The following ZNF408 variants were observed in gnomAD, a reference collection of about 807,000 sequenced individuals.
ZNF408 encodes zinc finger protein 408.
A neutral mutation model predicts 27.6 loss-of-function variants in ZNF408; 24 were observed. That is an observed-to-expected ratio of 0.87 (90% CI 0.63 to 1.22). The LOEUF (loss-of-function observed/expected upper bound fraction) is 1.22. ZNF408 is among the 50% of genes most tolerant of loss of function. The probability of loss-of-function intolerance (pLI) is 0.00; values close to 1 mark genes in which losing one functional copy is unlikely to be tolerated. For synonymous variants in ZNF408, 410 were observed against 396.1 expected (o/e 1.04, Z -0.42); for missense variants, 897 against 949.0 (o/e 0.95, Z 0.72).
At chr11:46,703,767 G>GTTTT (rs1478673835) in intron 4 of ZNF408, among the ~76,000 whole-genome samples, 3 of 87,080 alleles carry the variant, frequency 3.4e-5, no homozygotes, top group African/African-American at 9.2e-5. Flanking sequence ...TGTTGTTGTT[G>GTTTT]TTGTTTTTTT....
In ZNF408 at chr11:46,703,024, G is replaced by A. The variant is rs759489648; in HGVS notation, c.433G>A (p.Ala145Thr). 15 of 1,614,038 alleles carry A rather than the reference G, an allele frequency of 9.3e-6. No homozygotes were observed. Among genetic ancestry groups the A allele is most frequent in the Non-Finnish European group, 1.3e-5 (15 of 1,179,896 alleles). Residue 145 changes from alanine (A) to threonine (T), a missense_variant, in exon 4 of 5, where the codon GCC becomes ACC. Transcript: ENST00000311764. ...RGRLESEGNVAPVRISERLHL... is the reference protein window; with the variant it reads ...RGRLESEGNVTPVRISERLHL... ...CAGGCTGGAGAGTGAGGGAAATGTGGCCCCAGTGCGGATCAGCGAGAGGCT... is the reference window on the plus strand; with the variant it reads ...CAGGCTGGAGAGTGAGGGAAATGTGACCCCAGTGCGGATCAGCGAGAGGCT...
At chr11:46,701,136 G>A (rs377078069) in intron 1 of ZNF408, 37 bp downstream of exon 1, 15 of 1,613,778 alleles carry the variant, frequency 9.3e-6, no homozygotes, top group Non-Finnish European at 1.2e-5. Context: ...CTCAACCTTG[G>A]CCCAGGTGGA....
In ZNF408 at chr11:46,701,504, C is replaced by CTT. The variant is rs1565693426; in HGVS notation, c.160_161dup (p.Leu54PhefsTer2). ...CCCGAGCCGACCCGAGACATCCTCG[C>CTT]TTTAAAGAGCCTTCCCCGGGGCTTG... is the stretch of plus-strand genomic sequence containing the variant. On this transcript the variant is annotated frameshift_variant, in exon 2 of 5. Coordinates refer to ENST00000311764, the MANE Select transcript of ZNF408 (RefSeq NM_024741.3). LOFTEE classifies it high-confidence loss of function. The CTT allele has an allele frequency of 6.2e-7, 1 of 1,614,054 alleles. No homozygotes were observed. The highest frequency in any genetic ancestry group is 1.7e-5 in the Admixed American group (1 of 60,022).
At chr11:46,701,764 G>T (rs2064709904) in intron 2 of ZNF408, 88 bp downstream of exon 2, 1 of 1,411,406 alleles carries the variant, frequency 7.1e-7, no homozygotes, top group South Asian at 1.5e-5. Context: ...TTTGAAGAAA[G>T]AGAGTATTTC....
intron 4 of ZNF408, 78 bp downstream of exon 4, chr11:46,703,321 TG>T: frequency 6.7e-7 from 1 of 1,502,076 alleles, no homozygotes; most frequent in Non-Finnish European, 8.9e-7. Flanking sequence ...GCAGAGTTTA[TG>T]GCTCATTGCG....
At chr11:46,702,938 C>G in intron 3 of ZNF408, 46 bp from the exon 4 acceptor site, 2 of 1,609,128 alleles carry the variant, frequency 1.2e-6, no homozygotes, top group Non-Finnish European at 1.7e-6. Context: ...GGGAAGACCA[C>G]TTGAATAGTG....
At position 46,705,428 on chromosome 11, in the gene ZNF408, G is replaced by GAGGCCC; in HGVS notation, c.1729_1734dup (p.Arg577_Pro578dup). 6.2e-7 allele frequency: 1 copy of GAGGCCC among 1,608,164 alleles called. No individual in the cohort carries two copies. Among genetic ancestry groups the GAGGCCC allele is most frequent in the South Asian group, 1.1e-5 (1 of 91,044 alleles). On this transcript the variant is annotated inframe_insertion, in exon 5 of 5. Transcript: ENST00000311764. The surrounding 1 kb of genome is among the most constrained non-coding windows in gnomAD (Gnocchi z 6.5). The stretch of plus-strand genomic sequence containing the variant: ...CTCACGAGCGCCTGCACTCCGGAGA[G>GAGGCCC]AGGCCCTTTCCCTGTCCCCAGTGTG...
chr11:46,701,882 T>C (rs946442919), intron 2 of ZNF408: 21 of 559,616 alleles, frequency 3.8e-5, no homozygotes, highest in Admixed American at 7.4e-5. Context: ...AATCATACAG[T>C]GTCAGCAGTG....
rs1023098875 is a variant in ZNF408 at position 46,704,403 on chromosome 11, C to T, written c.703C>T (p.Pro235Ser). ...CATCCAGGCAGAGAATATGGTGAGC[C>T]CTGGACTTAAGTTCCCAACCCAGGA... Reference protein sequence around the residue: ...SGIQAENMVSPGLKFPTQDRI... With the variant: ...SGIQAENMVSSGLKFPTQDRI... The change falls in exon 5 of 5, where the codon CCT (proline) becomes TCT (serine). Residue 235 changes from proline to serine, a missense_variant. Transcript: ENST00000311764. 5.6e-6 allele frequency: 9 copies of T among 1,612,926 alleles called. No individual in the cohort carries two copies. Among genetic ancestry groups the T allele is most frequent in the Middle Eastern group, 3.3e-4 (2 of 6,046 alleles).
rs1295641179 is a variant in ZNF408 at position 46,705,819 on chromosome 11, C to T, written c.2119C>T (p.Leu707Phe). The change falls in exon 5 of 5, where the codon CTC becomes TTC. Residue 707 changes from leucine (L) to phenylalanine (F), a missense_variant. Coordinates refer to ENST00000311764, the MANE Select transcript of ZNF408 (RefSeq NM_024741.3). This position sits in a 1 kb window ranked among gnomAD's most constrained non-coding sequence, Gnocchi z 6.5. ...GGTGCTAATCCATAAGGACATGGGC[C>T]TCGGCGCCTGGGCAGAGGTGGTGGA... ...SLVLIHKDMGLGAWAEVVEVE... is the reference protein window; with the variant it reads ...SLVLIHKDMGFGAWAEVVEVE... The T allele has an allele frequency of 6.2e-7, 1 of 1,612,574 alleles. No individual in the cohort carries two copies. The highest frequency in any genetic ancestry group is 1.3e-5 in the African/African-American group (1 of 74,926).
Position 46,701,544 on chromosome 11 carries a change from A to G in ZNF408, c.198A>G (p.Ser66=), listed in dbSNP as rs375368546. 5 of 1,612,886 alleles carry G rather than the reference A, an allele frequency of 3.1e-6. No homozygotes were observed. In the African/African-American group the frequency reaches 6.7e-5, roughly 22 times the overall value. The change falls in exon 2 of 5, where the codon TCA becomes TCG. Residue 66 remains serine, a synonymous_variant. Transcript: ENST00000311764. ...SLPRGLALGP[S]LAKEQRLGVW... is the part of the protein sequence containing the mutation. ...CCCGGGGCTTGGCCCTTGGCCCCTC[A>G]CTCGCCAAGGAACAGCGCTTGGGGG...
intron 2 of ZNF408, 124 bp from the exon 3 acceptor site, chr11:46,702,580 G>A (rs2064717612): frequency 3.2e-6 from 3 of 945,234 alleles, no homozygotes; most frequent in Non-Finnish European, 4.9e-6. Context: ...GAGAACCAGA[G>A]GCTTCTAACC....
chr11:46,701,920 T>G (rs1055443093), intron 2 of ZNF408: 1 of 395,160 alleles, frequency 2.5e-6, no homozygotes, highest in African/African-American at 2.1e-5. Flanking sequence ...GCTAAGGTTT[T>G]TGGAATTAAG....
intron 2 of ZNF408, among the ~76,000 whole-genome samples, chr11:46,702,211 C>T (rs1451379340): frequency 6.6e-6 from 1 of 152,220 alleles, no homozygotes; most frequent in African/African-American, 2.4e-5. Context: ...TCTCATGCCT[C>T]AGCCTCCCGA....
chr11:46,702,785 G>T lies in ZNF408; in HGVS notation c.392+20G>T, dbSNP rs2134507260. 6.2e-7 allele frequency: 1 copy of T among 1,613,778 alleles called. No homozygotes were observed. Among genetic ancestry groups the T allele is most frequent in the Non-Finnish European group, 8.5e-7 (1 of 1,179,694 alleles). On this transcript the variant is annotated intron_variant, in intron 3 of 4. Coordinates refer to ENST00000311764, the MANE Select transcript of ZNF408 (RefSeq NM_024741.3). Reference sequence around the variant, plus strand: ...GACTAGGTAAGTCAGAGGAGAGTGTGTCGTTCCTTTGAGGTTTTCTGTTGT... The same window carrying T: ...GACTAGGTAAGTCAGAGGAGAGTGTTTCGTTCCTTTGAGGTTTTCTGTTGT...
At position 46,705,229 on chromosome 11, in the gene ZNF408, A is replaced by T. The variant is rs749840871; in HGVS notation, c.1529A>T (p.Asn510Ile). 1.9e-6 allele frequency: 3 copies of T among 1,611,956 alleles called. No homozygotes were observed. The highest frequency in any genetic ancestry group is 1.7e-5 in the Admixed American group (1 of 60,000). Residue 510 changes from asparagine (N) to isoleucine (I), a missense_variant, in exon 5 of 5, where the codon AAC (asparagine) becomes ATC (isoleucine). Asn to Ile is a moderately radical substitution (Grantham distance 149). Coordinates refer to ENST00000311764, the MANE Select transcript of ZNF408 (RefSeq NM_024741.3). The surrounding 1 kb of genome is among the most constrained non-coding windows in gnomAD (Gnocchi z 6.5). The part of the protein sequence containing the change: ...HCGRAFRQRG[N>I]LRGHLRLHTG... ...GGCCGGGCGTTTCGTCAGCGGGGCA[A>T]CCTGCGTGGGCATTTGCGGCTCCAC...
chr11:46,701,177 G>A (rs1245460834), intron 1 of ZNF408, 78 bp downstream of exon 1: 1 of 1,610,864 alleles, frequency 6.2e-7, no homozygotes, highest in African/African-American at 1.3e-5. Flanking sequence ...TTTCTCCTCA[G>A]TCTTCTCTCC....
At chr11:46,701,373 C>T (rs750800175) in intron 1 of ZNF408, 26 bp from the exon 2 acceptor site, 1 of 1,607,546 alleles carries the variant, frequency 6.2e-7, no homozygotes, top group South Asian at 1.1e-5. Context: ...GGGTGGCTCC[C>T]TCACTGTCTT....
chr11:46,702,886 G>T, intron 3 of ZNF408, 98 bp from the exon 4 acceptor site: 1 of 1,593,144 alleles, frequency 6.3e-7, no homozygotes, highest in Non-Finnish European at 8.6e-7. Context: ...CAAAGGCACG[G>T]CGTCCTTTAG....
Sources: gnomAD v4.1 joint callset for allele counts (sites outside exome capture counted in the v4.1 genomes callset) on GRCh38, gnomAD v4.1.1 for gene constraint, Gnocchi (gnomAD v3.1) non-coding constraint, MANE v1.5 for transcripts, NCBI Gene and HGNC (gene_info 2026-07-23, HGNC 2026-07-21) for gene names.